The following KIF4A variants were observed in gnomAD, a reference collection of about 807,000 sequenced individuals.
KIF4A encodes chromosome-associated kinesin KIF4A.
In KIF4A, 7 loss-of-function variants were observed where a neutral mutation model predicts 105.9. The observed-to-expected ratio is 0.07, with a 90% CI of 0.04 to 0.12. The LOEUF is 0.12. KIF4A is among the 10% of genes least tolerant of loss of function. The pLI is 1.00. For missense variants in KIF4A, 558 were observed against 929.2 expected (o/e 0.60, Z 5.19); for synonymous variants, 281 against 331.3 (o/e 0.85, Z 1.65).
intron 20 of KIF4A, among the ~76,000 whole-genome samples, chrX:70,388,917 TA>T (rs1364605595): frequency 6.2e-5 from 7 of 112,348 alleles, no homozygotes; most frequent in Middle Eastern, 4.6e-3. Context: ...AATTTATTGA[TA>T]TTTTTTTCTT....
intron 15 of KIF4A, among the ~76,000 whole-genome samples, chrX:70,359,152 A>G (rs1003516633): frequency 8.0e-5 from 9 of 111,980 alleles, no homozygotes; most frequent in Admixed American, 6.7e-4. Context: ...AAGTTTGTTG[A>G]TATCTCTCAA....
At chrX:70,369,569 ACT>A (rs2086121476) in intron 15 of KIF4A, among the ~76,000 whole-genome samples, 1 of 111,404 alleles carries the variant, frequency 9.0e-6, no homozygotes, top group African/African-American at 3.3e-5. Flanking sequence ...TATCCTCATG[ACT>A]CTGTAATTCC....
At chrX:70,310,311 T>TG (rs2085844252) in intron 7 of KIF4A, among the ~76,000 whole-genome samples, 2 of 86,297 alleles carry the variant, frequency 2.3e-5, no homozygotes, top group African/African-American at 9.5e-5. Flanking sequence ...CTCAAAATGG[T>TG]TGTGTGTGTG....
intron 15 of KIF4A, among the ~76,000 whole-genome samples, chrX:70,365,773 G>A (rs1251496140): frequency 9.0e-6 from 1 of 111,726 alleles, no homozygotes; most frequent in African/African-American, 3.3e-5. Flanking sequence ...GAGATAGGGA[G>A]GATTCCCTCT....
intron 13 of KIF4A, among the ~76,000 whole-genome samples, chrX:70,347,687 G>A (rs1243716746): frequency 1.8e-5 from 2 of 110,198 alleles, no homozygotes; most frequent in Non-Finnish European, 3.8e-5. Context: ...TTTTAAGAAT[G>A]ATTTAGGGCC....
At chrX:70,395,874 C>T (rs2086257749) in intron 21 of KIF4A, 48 bp downstream of exon 21, 1 of 1,196,403 alleles carries the variant, frequency 8.4e-7, no homozygotes, top group East Asian at 3.0e-5. Context: ...ACTCTACATT[C>T]CCCAGAAATC....
intron 18 of KIF4A, among the ~76,000 whole-genome samples, chrX:70,385,986 T>C (rs2086216197): frequency 9.0e-6 from 1 of 111,417 alleles, no homozygotes; most frequent in South Asian, 3.8e-4. Flanking sequence ...TAGTACCCAA[T>C]AGGAAGTTTT....
intron 5 of KIF4A, among the ~76,000 whole-genome samples, chrX:70,299,962 C>T (rs2085798544): frequency 9.0e-6 from 1 of 111,531 alleles, no homozygotes; most frequent in Admixed American, 9.6e-5. Context: ...GAGCCAAATC[C>T]AGAAGCCAGT....
intron 7 of KIF4A, among the ~76,000 whole-genome samples, chrX:70,307,105 A>G (rs942346176): frequency 5.4e-5 from 6 of 110,973 alleles, no homozygotes; most frequent in Admixed American, 3.8e-4. Flanking sequence ...GTTTATAGGC[A>G]TGAGCGACTG....
chrX:70,417,969 G>T lies in KIF4A; in HGVS notation c.3337G>T (p.Asp1113Tyr), dbSNP rs2086350952. The change falls in exon 29 of 31, where the codon GAC becomes TAC. Residue 1113 changes from aspartate to tyrosine, a missense_variant. Physicochemically the swap from Asp to Tyr is radical, Grantham distance 160 (BLOSUM62 -3). Transcript: ENST00000374403. ...KSDCGVDCCC[D>Y]PTKCRNRQQG... ...AGACTGTGGTGTGGACTGTTGCTGT[G>T]ACCCCACAAAGTGTCGGAACCGCCA... 2.5e-6 allele frequency: 3 copies of T among 1,210,984 alleles called. No individual in the cohort carries two copies. Among genetic ancestry groups the T allele is most frequent in the East Asian group, 3.0e-5 (1 of 33,813 alleles).
chrX:70,329,741 C>G (rs2085923522), intron 8 of KIF4A, among the ~76,000 whole-genome samples: 1 of 112,268 alleles, frequency 8.9e-6, no homozygotes, highest in Non-Finnish European at 1.9e-5. Flanking sequence ...AGTGCACCAA[C>G]TGTACTTTGT....
Position 70,299,197 on chromosome X carries a change from A to G in KIF4A, c.511A>G (p.Ile171Val), listed in dbSNP as rs1317689699. The change falls in exon 5 of 31, where the codon ATA becomes GTA. Residue 171 changes from isoleucine to valine, a missense_variant. Ile to Val is a conservative substitution (Grantham distance 29, BLOSUM62 3). Coordinates refer to ENST00000374403, the MANE Select transcript of KIF4A (RefSeq NM_012310.5). The part of the protein sequence containing the change: ...INIREDPKEG[I>V]KIVGLTEKTV... ...TATACGAGAGGATCCTAAGGAAGGCATAAAGGTGTGTTTGTCTCTCATTTG... is the reference window on the plus strand; with the variant it reads ...TATACGAGAGGATCCTAAGGAAGGCGTAAAGGTGTGTTTGTCTCTCATTTG... 1 of 1,198,386 alleles carries G rather than the reference A, an allele frequency of 8.3e-7. No homozygotes were observed. Among genetic ancestry groups the G allele is most frequent in the Non-Finnish European group, 1.1e-6 (1 of 888,260 alleles).
chrX:70,355,519 A>G (rs2086047369), intron 15 of KIF4A, among the ~76,000 whole-genome samples: 1 of 111,876 alleles, frequency 8.9e-6, no homozygotes, highest in Admixed American at 9.5e-5. Context: ...ACTTCTATCA[A>G]GTTCCCAGGT....
chrX:70,344,034 C>G (rs1389155931), intron 13 of KIF4A, 52 bp downstream of exon 13: 2 of 910,914 alleles, frequency 2.2e-6, no homozygotes, highest in Non-Finnish European at 3.2e-6. Flanking sequence ...ATTTGTTTCT[C>G]TTGACACATA....
intron 15 of KIF4A, chrX:70,361,577 T>C (rs1158469652): frequency 6.0e-6 from 1 of 166,967 alleles, no homozygotes; most frequent in African/African-American, 3.1e-5. Context: ...AAGAGCTGTG[T>C]TGGAGGAATT....
At chrX:70,397,109 G>A (rs1260869379) in intron 22 of KIF4A, among the ~76,000 whole-genome samples, 1 of 111,181 alleles carries the variant, frequency 9.0e-6, no homozygotes, top group Non-Finnish European at 1.9e-5. Context: ...GGTAGCTCTC[G>A]CCTGTAATCC....
In KIF4A at chrX:70,300,828, C is replaced by G. The variant is rs935012725; in HGVS notation, c.517-1072C>G. 2.7e-5 allele frequency among the ~76,000 whole-genome samples: 3 copies of G among 111,993 alleles called. No homozygotes were observed. In the Admixed American group the frequency reaches 2.9e-4, roughly 11 times the overall value. On this transcript the variant is annotated intron_variant, in intron 5 of 30. Transcript: ENST00000374403. ...CCCTAACCTGGAGGTCAGGGGAGTA[C>G]TTTGAAATCTCTTTGTATCTTCGTT...
chrX:70,331,872 A>T (rs1295491669), intron 9 of KIF4A, among the ~76,000 whole-genome samples: 1 of 112,243 alleles, frequency 8.9e-6, no homozygotes, highest in Non-Finnish European at 1.9e-5. Context: ...ATTCATGGAG[A>T]CCATTTAAGA....
At chrX:70,382,758 C>T (rs1321015421) in intron 18 of KIF4A, among the ~76,000 whole-genome samples, 1 of 104,948 alleles carries the variant, frequency 9.5e-6, no homozygotes, top group African/African-American at 3.5e-5. Flanking sequence ...ATTGACCCCA[C>T]CCTGGGCAAC....
Sources: gnomAD v4.1 joint callset for allele counts (sites outside exome capture counted in the v4.1 genomes callset) on GRCh38, gnomAD v4.1.1 for gene constraint, MANE v1.5 for transcripts, NCBI Gene and HGNC (gene_info 2026-07-23, HGNC 2026-07-21) for gene names.